NAALADL2: variants seen among roughly 807,000 people sequenced by gnomAD.
NAALADL2 encodes the protein inactive N-acetylated-alpha-linked acidic dipeptidase-like protein 2.
Under a neutral mutation model 87.2 loss-of-function variants are expected in NAALADL2, and 76 were observed. That is an observed-to-expected ratio of 0.87 (90% CI 0.72 to 1.05). NAALADL2 has a LOEUF of 1.05. NAALADL2 is among the 50% of genes least tolerant of loss of function. NAALADL2 has a pLI of 0.00. For synonymous variants in NAALADL2, 354 were observed against 331.0 expected, an observed-to-expected ratio of 1.07 and a Z score of -0.75; for missense variants, 1,089 against 945.8, an observed-to-expected ratio of 1.15 and a Z score of -1.99.
intron 2 of NAALADL2, among the ~76,000 whole-genome samples, chr3:175,187,644 C>A: frequency 6.6e-6 from 1 of 151,366 alleles, no homozygotes; most frequent in South Asian, 2.1e-4. Flanking sequence ...GAAGACACAT[C>A]TTTTTTTTTA....
intron 2 of NAALADL2, among the ~76,000 whole-genome samples, chr3:174,701,472 C>T (rs989471920): frequency 6.6e-6 from 1 of 151,980 alleles, no homozygotes; most frequent in African/African-American, 2.4e-5. Flanking sequence ...AACTGATATA[C>T]AATAAACTAC....
intron 1 of NAALADL2, among the ~76,000 whole-genome samples, chr3:174,537,567 G>A (rs1263490271): frequency 6.6e-6 from 1 of 152,134 alleles, no homozygotes; most frequent in East Asian, 1.9e-4. Flanking sequence ...TCTAGTGAGA[G>A]TCAGGAAAAC....
At chr3:175,691,501 T>G (rs948346750) in intron 11 of NAALADL2, among the ~76,000 whole-genome samples, 2 of 151,890 alleles carry the variant, frequency 1.3e-5, no homozygotes, top group Admixed American at 1.3e-4. Flanking sequence ...TTCTTACTGT[T>G]TGTAATATTT....
intron 1 of NAALADL2, among the ~76,000 whole-genome samples, chr3:174,986,100 T>C (rs1255764603): frequency 6.6e-6 from 1 of 151,900 alleles, no homozygotes; most frequent in Admixed American, 6.6e-5. Context: ...AAATTATATG[T>C]TTGAAATCTT....
At chr3:174,879,895 C>T (rs561610320) in intron 1 of NAALADL2, among the ~76,000 whole-genome samples, 160 of 152,174 alleles carry the variant, frequency 1.1e-3, no homozygotes, top group Non-Finnish European at 2.0e-3. Context: ...CAATCTTCTT[C>T]CTGCTTGATC....
intron 4 of NAALADL2, among the ~76,000 whole-genome samples, chr3:175,284,215 T>C (rs982828933): frequency 6.9e-6 from 1 of 145,358 alleles, no homozygotes; most frequent in East Asian, 2.0e-4. Context: ...TTGCTTTAAA[T>C]GTGCTTTTGT....
At chr3:175,502,975 G>A (rs1313527686) in intron 9 of NAALADL2, among the ~76,000 whole-genome samples, 1 of 149,020 alleles carries the variant, frequency 6.7e-6, no homozygotes, top group Non-Finnish European at 1.5e-5. Flanking sequence ...TATATAGGTT[G>A]TTTTATGAGT....
At chr3:175,744,315 C>T (rs1745634321) in intron 12 of NAALADL2, among the ~76,000 whole-genome samples, 1 of 152,090 alleles carries the variant, frequency 6.6e-6, no homozygotes, top group Non-Finnish European at 1.5e-5. Flanking sequence ...ATGGATGAGC[C>T]AGGAGTACTT....
chr3:174,893,317 C>CA (rs940976729), intron 1 of NAALADL2, among the ~76,000 whole-genome samples: 3 of 143,064 alleles, frequency 2.1e-5, no homozygotes, highest in African/African-American at 7.8e-5. Flanking sequence ...TCAACCCCCC[C>CA]CCGCAAAAAG....
At chr3:174,473,060 G>C (rs1176365011) in intron 1 of NAALADL2, among the ~76,000 whole-genome samples, 2 of 152,128 alleles carry the variant, frequency 1.3e-5, no homozygotes, top group African/African-American at 4.8e-5. Flanking sequence ...AGATAAATTT[G>C]TGTTTAAACC....
rs192533906 is a variant in NAALADL2 at position 174,783,253 on chromosome 3, G to A, written c.-9+45507G>A. The stretch of plus-strand genomic sequence containing the variant: ...GATTTCTCACTTGAGGGCCCTAGTG[G>A]GGTAGAGGTATTTAGTAGAGTTTAT... On this transcript the variant is annotated intron_variant, in intron 3 of 3. Coordinates refer to the NAALADL2 transcript ENST00000434257. Among the ~76,000 whole-genome samples the A allele has an allele frequency of 1.8e-3, 272 of 152,246 alleles. 2 individuals are homozygous for A. The highest frequency in any genetic ancestry group is 6.4e-3 in the African/African-American group (264 of 41,556).
chr3:175,372,735 A>G (rs1766663977), intron 5 of NAALADL2, among the ~76,000 whole-genome samples: 1 of 152,226 alleles, frequency 6.6e-6, no homozygotes, highest in Non-Finnish European at 1.5e-5. Context: ...CTATTAATGA[A>G]GAAGTAAGGA....
chr3:174,494,983 C>G (rs1718423154), intron 1 of NAALADL2, among the ~76,000 whole-genome samples: 1 of 151,966 alleles, frequency 6.6e-6, no homozygotes, highest in African/African-American at 2.4e-5. Flanking sequence ...GGCAGCTTGC[C>G]CAAGTCAGCA....
intron 11 of NAALADL2, chr3:175,676,033 A>G (rs182868824): frequency 2.0e-5 from 3 of 152,182 alleles, no homozygotes; most frequent in Admixed American, 1.3e-4. Flanking sequence ...AATGTCTTAC[A>G]TGATACATAA....
At chr3:174,778,011 C>T (rs79213387) in intron 3 of NAALADL2, among the ~76,000 whole-genome samples, 3,281 of 152,048 alleles carry the variant, frequency 0.022, 118 homozygotes, top group African/African-American at 0.076. Context: ...ACTAGCATTC[C>T]AATGCTATGA....
chr3:174,458,106 TAACA>T (rs1715970541), intron 1 of NAALADL2, among the ~76,000 whole-genome samples: 1 of 152,150 alleles, frequency 6.6e-6, no homozygotes. Context: ...TTTACCTATA[TAACA>T]AACCTGCACA....
chr3:175,495,936 C>G (rs953197359), intron 9 of NAALADL2, among the ~76,000 whole-genome samples: 1 of 151,930 alleles, frequency 6.6e-6, no homozygotes, highest in Non-Finnish European at 1.5e-5. Context: ...TTACTTCTTC[C>G]AATTATATAT....
intron 11 of NAALADL2, among the ~76,000 whole-genome samples, chr3:175,726,358 C>T (rs1307956137): frequency 6.6e-6 from 1 of 151,426 alleles, no homozygotes; most frequent in African/African-American, 2.4e-5. Context: ...AAATCCTAAA[C>T]TTTATCTTTG....
chr3:175,128,328 T>C (rs1727281408), intron 2 of NAALADL2, among the ~76,000 whole-genome samples: 5 of 152,200 alleles, frequency 3.3e-5, no homozygotes, highest in Admixed American at 3.3e-4. Context: ...TTTGAATTCT[T>C]ACATATTTGA....
Sources: gnomAD v4.1 joint callset for allele counts (sites outside exome capture counted in the v4.1 genomes callset) on GRCh38, gnomAD v4.1.1 for gene constraint, MANE v1.5 for transcripts, NCBI Gene and HGNC (gene_info 2026-07-23, HGNC 2026-07-21) for gene names.